The following RBFOX1 variants were observed in gnomAD, a reference collection of about 807,000 sequenced individuals.
The protein encoded by RBFOX1 is RNA binding fox-1 homolog 1, also known as RNA binding protein fox-1 homolog 1.
RBFOX1 carries 8 observed loss-of-function variants against 57.7 expected under a neutral mutation model. The ratio of observed to expected loss-of-function variants is 0.14; its 90% CI spans 0.08 to 0.25. The LOEUF (loss-of-function observed/expected upper bound fraction) is 0.25, where lower values mean the gene tolerates loss of function less well. RBFOX1 is among the 10% of genes least tolerant of loss of function. The probability of loss-of-function intolerance (pLI) is 1.00; values close to 1 mark genes in which losing one functional copy is unlikely to be tolerated. For synonymous variants in RBFOX1, 326 were observed against 222.4 expected, an observed-to-expected ratio of 1.47 and a Z score of -4.15; for missense variants, 611 against 548.5, an observed-to-expected ratio of 1.11 and a Z score of -1.14.
chr16:7,305,312 T>A (rs1200024842), intron 4 of RBFOX1, among the ~76,000 whole-genome samples: 2 of 152,108 alleles, frequency 1.3e-5, no homozygotes, highest in Non-Finnish European at 2.9e-5. Flanking sequence ...ATTGGAAGGG[T>A]TGCTTCCTGA....
chr16:6,124,751 C>T (rs574380710), intron 1 of RBFOX1, among the ~76,000 whole-genome samples: 2 of 152,210 alleles, frequency 1.3e-5, no homozygotes, highest in South Asian at 4.1e-4. Flanking sequence ...TGGTCTCAAA[C>T]TCCTGACCTC....
intron 3 of RBFOX1, among the ~76,000 whole-genome samples, chr16:5,726,442 G>T (rs1047757859): frequency 6.6e-6 from 1 of 152,046 alleles, no homozygotes; most frequent in Admixed American, 6.6e-5. Flanking sequence ...TGCCAAGGTC[G>T]CCACCAGCAA....
At chr16:7,707,479 C>G (rs918624544) in intron 14 of RBFOX1, among the ~76,000 whole-genome samples, 2 of 152,252 alleles carry the variant, frequency 1.3e-5, no homozygotes, top group African/African-American at 2.4e-5. Context: ...ATAATACAGA[C>G]AAACCATTTC....
intron 6 of RBFOX1, among the ~76,000 whole-genome samples, chr16:7,584,213 A>G (rs552766198): frequency 6.6e-6 from 1 of 152,278 alleles, no homozygotes; most frequent in South Asian, 2.1e-4. Flanking sequence ...TTTTTCAGAG[A>G]AATATTGTTT....
intron 2 of RBFOX1, among the ~76,000 whole-genome samples, chr16:6,598,465 C>G (rs1036617725): frequency 3.3e-5 from 5 of 152,040 alleles, no homozygotes; most frequent in Admixed American, 3.3e-4. Flanking sequence ...TCCCAGTAAT[C>G]CTATTAATCA....
chr16:5,552,118 G>A (rs2045489457), intron 2 of RBFOX1, among the ~76,000 whole-genome samples: 1 of 152,144 alleles, frequency 6.6e-6, no homozygotes, highest in African/African-American at 2.4e-5. Flanking sequence ...AGATAATGTA[G>A]TCAGCCCAGT....
chr16:6,570,110 C>A (rs549757151), intron 2 of RBFOX1, among the ~76,000 whole-genome samples: 36 of 152,296 alleles, frequency 2.4e-4, no homozygotes, highest in Admixed American at 2.1e-3. Context: ...TAATGGACTA[C>A]AGAGCCATGT....
intron 2 of RBFOX1, among the ~76,000 whole-genome samples, chr16:6,418,755 T>C (rs2093695508): frequency 6.6e-6 from 1 of 152,142 alleles, no homozygotes; most frequent in Non-Finnish European, 1.5e-5. Context: ...CTTGAACTCC[T>C]GGTCCTTAAT....
chr16:5,302,545 A>T (rs1489026422), intron 1 of RBFOX1, among the ~76,000 whole-genome samples: 2 of 152,204 alleles, frequency 1.3e-5, no homozygotes, highest in African/African-American at 4.8e-5. Context: ...TAAAAATCTT[A>T]AAGTACGGTC....
intron 1 of RBFOX1, among the ~76,000 whole-genome samples, chr16:6,311,329 T>G (rs1299645544): frequency 7.0e-6 from 1 of 142,812 alleles, no homozygotes. Context: ...ATAAAAGAAC[T>G]ATTGGCTTTT....
intron 1 of RBFOX1, among the ~76,000 whole-genome samples, chr16:6,208,841 A>T (rs1300323564): frequency 2.0e-5 from 3 of 152,106 alleles, no homozygotes; most frequent in Admixed American, 2.0e-4. Flanking sequence ...CATGAGGTAT[A>T]GCCTATGTGG....
chr16:7,439,604 G>C (rs1261348439), intron 4 of RBFOX1, among the ~76,000 whole-genome samples: 1 of 152,176 alleles, frequency 6.6e-6, no homozygotes, highest in East Asian at 1.9e-4. Context: ...AATGCAAAAT[G>C]TCTTGAGTCC....
At chr16:6,190,170 G>A (rs957317002) in intron 1 of RBFOX1, among the ~76,000 whole-genome samples, 1 of 152,160 alleles carries the variant, frequency 6.6e-6, no homozygotes, top group African/African-American at 2.4e-5. Context: ...ATACTCCTGT[G>A]CTTCAAATTC....
At chr16:6,487,750 T>A (rs1337054708) in intron 2 of RBFOX1, among the ~76,000 whole-genome samples, 18 of 74,370 alleles carry the variant, frequency 2.4e-4, no homozygotes, top group South Asian at 1.1e-3. Context: ...TATATATATA[T>A]ATATAAAATA....
At chr16:5,932,649 A>G (rs1019821242) in intron 4 of RBFOX1, among the ~76,000 whole-genome samples, 2 of 152,208 alleles carry the variant, frequency 1.3e-5, no homozygotes, top group Admixed American at 1.3e-4. Flanking sequence ...ATAACATTAG[A>G]TATATAAAAT....
intron 3 of RBFOX1, among the ~76,000 whole-genome samples, chr16:6,881,174 C>T (rs115315518): frequency 6.6e-6 from 1 of 152,128 alleles, no homozygotes; most frequent in Non-Finnish European, 1.5e-5. Flanking sequence ...CAAAATGAAA[C>T]CCATTTGCTC....
chr16:7,662,390 C>G (rs913722732), intron 12 of RBFOX1, among the ~76,000 whole-genome samples: 1 of 152,160 alleles, frequency 6.6e-6, no homozygotes, highest in African/African-American at 2.4e-5. Context: ...CAGAGACAAA[C>G]CTCAGACTCC....
chr16:6,370,129 C>T (rs550444170), intron 2 of RBFOX1, among the ~76,000 whole-genome samples: 1 of 152,066 alleles, frequency 6.6e-6, no homozygotes, highest in East Asian at 1.9e-4. Context: ...GAGGCCGAGG[C>T]AGGCGGATCA....
intron 1 of RBFOX1, among the ~76,000 whole-genome samples, chr16:6,279,090 C>T (rs1398428506): frequency 2.0e-5 from 3 of 152,032 alleles, no homozygotes; most frequent in Admixed American, 6.5e-5. Context: ...GATTTTTATA[C>T]CACCTCTCAC....
Sources: gnomAD v4.1 joint callset for allele counts (sites outside exome capture counted in the v4.1 genomes callset) on GRCh38, gnomAD v4.1.1 for gene constraint, MANE v1.5 for transcripts, NCBI Gene and HGNC (gene_info 2026-07-23, HGNC 2026-07-21) for gene names.